Variants in NANS observed in about 807,000 individuals in gnomAD.
The protein encoded by NANS is N-acetylneuraminate synthase.
A neutral mutation model predicts 33.3 loss-of-function variants in NANS; 29 were observed. That is an observed-to-expected ratio of 0.87 (90% CI 0.65 to 1.19). NANS has a LOEUF of 1.19. Among genes scored for constraint, NANS ranks in the 50% most tolerant of loss-of-function variants. The pLI, the probability that NANS is intolerant of heterozygous loss-of-function variation, is 0.00. For synonymous variants in NANS, 163 were observed against 177.2 expected, an observed-to-expected ratio of 0.92 and a Z score of 0.64; for missense variants, 394 against 461.1, an observed-to-expected ratio of 0.85 and a Z score of 1.33.
At chr9:98,065,395 C>T (rs1829111585) in intron 2 of NANS, among the ~76,000 whole-genome samples, 3 of 140,088 alleles carry the variant, frequency 2.1e-5, no homozygotes, top group Non-Finnish European at 1.5e-5. Flanking sequence ...CGGCTCACTG[C>T]GACTTCCGCC....
chr9:98,074,254 C>G (rs1405733624), intron 2 of NANS, among the ~76,000 whole-genome samples: 1 of 152,096 alleles, frequency 6.6e-6, no homozygotes, highest in African/African-American at 2.4e-5. Flanking sequence ...GCTGGGAGCC[C>G]GAGGAGAGTT....
At chr9:98,067,960 G>A (rs544710815) in intron 2 of NANS, among the ~76,000 whole-genome samples, 3 of 152,248 alleles carry the variant, frequency 2.0e-5, no homozygotes, top group South Asian at 2.1e-4. Context: ...GAGCTCAAGC[G>A]AACAGCCAAC....
chr9:98,076,985 A>G lies in NANS; in HGVS notation c.416A>G (p.Asn139Ser). The change falls in exon 3 of 6, where the codon AAT (asparagine) becomes AGT (serine). Residue 139 changes from asparagine (N) to serine (S), a missense_variant. Asn to Ser is a conservative substitution (Grantham distance 46). Transcript: ENST00000210444. ...AAAGTTGGATCTGGAGACACTAATA[A>G]TTTTCCTTATCTGGAAAAGACAGCC... ...FFKVGSGDTNNFPYLEKTAKK... is the reference protein window; with the variant it reads ...FFKVGSGDTNSFPYLEKTAKK... 1.2e-6 allele frequency: 2 copies of G among 1,610,668 alleles called. No individual in the cohort carries two copies. The highest frequency in any genetic ancestry group is 2.7e-5 in the African/African-American group (2 of 74,888).
chr9:98,069,879 A>G (rs1829261313), intron 2 of NANS, among the ~76,000 whole-genome samples: 1 of 152,174 alleles, frequency 6.6e-6, no homozygotes, highest in African/African-American at 2.4e-5. Context: ...ATATAATTAA[A>G]TATAGGCACA....
rs41382249 is a variant in NANS, at chr9:98,079,685, C to T, written c.604-1131C>T. ...TTCCGATAATTAACAGTTTAGTAGACGTGACCCCAGCTATTTTCCTTTTCA... is the reference window on the plus strand; with the variant it reads ...TTCCGATAATTAACAGTTTAGTAGATGTGACCCCAGCTATTTTCCTTTTCA... On this transcript the variant is annotated intron_variant, in intron 4 of 5. Coordinates refer to ENST00000210444, the MANE Select transcript of NANS (RefSeq NM_018946.4). Among the ~76,000 whole-genome samples, 674 of 152,324 alleles carry T rather than the reference C, an allele frequency of 4.4e-3. 2 individuals are homozygous for T. Among genetic ancestry groups the T allele is most frequent in the African/African-American group, 0.015 (633 of 41,572 alleles).
chr9:98,063,543 A>G (rs1829046895), intron 2 of NANS, among the ~76,000 whole-genome samples: 1 of 144,752 alleles, frequency 6.9e-6, no homozygotes, highest in African/African-American at 2.6e-5. Context: ...TGCCTGGCCT[A>G]GTTTTTTTTG....
chr9:98,076,740 G>C, intron 2 of NANS, 178 bp from the exon 3 acceptor site: 1 of 584,812 alleles, frequency 1.7e-6, no homozygotes, highest in Non-Finnish European at 3.0e-6. Flanking sequence ...GGATGCAAAT[G>C]AATGTTTGCA....
intron 4 of NANS, among the ~76,000 whole-genome samples, chr9:98,079,231 T>A (rs1829736324): frequency 6.6e-6 from 1 of 152,252 alleles, no homozygotes; most frequent in South Asian, 2.1e-4. Context: ...TCTCTTACTG[T>A]CTCACGCCAT....
intron 2 of NANS, among the ~76,000 whole-genome samples, chr9:98,074,102 T>C (rs1730552215): frequency 6.6e-6 from 1 of 152,208 alleles, no homozygotes; most frequent in African/African-American, 2.4e-5. Flanking sequence ...AATAAAGTTC[T>C]GAGTCGAATA....
chr9:98,064,258 A>AT (rs879792592), intron 2 of NANS, among the ~76,000 whole-genome samples: 65 of 145,648 alleles, frequency 4.5e-4, no homozygotes, highest in East Asian at 7.9e-4. Context: ...CTAATTCCCT[A>AT]TTTTTTTTTT....
At chr9:98,070,594 T>A (rs1192998421) in intron 2 of NANS, among the ~76,000 whole-genome samples, 2 of 151,752 alleles carry the variant, frequency 1.3e-5, no homozygotes, top group East Asian at 3.9e-4. Flanking sequence ...CTAATTTTTG[T>A]ATTTTTAGTA....
At chr9:98,070,681 A>G (rs1242702667) in intron 2 of NANS, among the ~76,000 whole-genome samples, 1 of 152,158 alleles carries the variant, frequency 6.6e-6, no homozygotes, top group African/African-American at 2.4e-5. Flanking sequence ...TGTCCTCCCA[A>G]AGTGCTGGGA....
intron 4 of NANS, among the ~76,000 whole-genome samples, chr9:98,080,351 A>G (rs1829798300): frequency 6.6e-6 from 1 of 152,250 alleles, no homozygotes; most frequent in Non-Finnish European, 1.5e-5. Flanking sequence ...TGAATTATAG[A>G]TAACGGATTA....
chr9:98,057,018 C>G, intron 1 of NANS, 78 bp downstream of exon 1: 1 of 1,442,602 alleles, frequency 6.9e-7, no homozygotes, highest in Non-Finnish European at 9.1e-7. Flanking sequence ...CAGGGCCACA[C>G]GGCCTCCGCG....
intron 2 of NANS, among the ~76,000 whole-genome samples, chr9:98,072,971 C>T (rs1829410100): frequency 6.6e-6 from 1 of 152,204 alleles, no homozygotes. Flanking sequence ...ACCGTCAGGG[C>T]TTCTGGTTGA....
intron 2 of NANS, among the ~76,000 whole-genome samples, chr9:98,062,132 T>G (rs997705257): frequency 1.3e-5 from 2 of 151,240 alleles, no homozygotes; most frequent in Admixed American, 6.6e-5. Flanking sequence ...CTTGATCCCA[T>G]GTATTTGAGA....
intron 5 of NANS, 45 bp downstream of exon 5, chr9:98,081,127 A>G: frequency 2.5e-6 from 4 of 1,607,820 alleles, no homozygotes; most frequent in Non-Finnish European, 3.4e-6. Context: ...CGTGTGTGGA[A>G]AAAGGATAGG....
intron 4 of NANS, 93 bp from the exon 5 acceptor site, chr9:98,080,723 G>A: frequency 7.0e-7 from 1 of 1,421,966 alleles, no homozygotes. Flanking sequence ...CTAGTGAGTG[G>A]CTAAACCGGG....
chr9:98,064,303 G>A (rs1158289960), intron 2 of NANS, among the ~76,000 whole-genome samples: 1 of 151,788 alleles, frequency 6.6e-6, no homozygotes, highest in Non-Finnish European at 1.5e-5. Context: ...GCTCAAGCTG[G>A]AGTGCAATGG....
Sources: allele counts gnomAD v4.1 joint callset (sites outside exome capture counted in the v4.1 genomes callset), GRCh38; gene constraint gnomAD v4.1.1; transcripts MANE v1.5; gene names NCBI Gene and HGNC (gene_info 2026-07-23, HGNC 2026-07-21).